CYFIP2: variants seen among roughly 807,000 people sequenced by gnomAD.
The protein encoded by CYFIP2 is cytoplasmic FMR1 interacting protein 2.
A neutral mutation model predicts 158.7 loss-of-function variants in CYFIP2; 29 were observed. The ratio of observed to expected loss-of-function variants is 0.18; its 90% CI spans 0.14 to 0.25. CYFIP2 has a LOEUF of 0.25. Among genes scored for constraint, CYFIP2 ranks in the 10% least tolerant of loss-of-function variants. The pLI, the probability that CYFIP2 is intolerant of heterozygous loss-of-function variation, is 1.00. For missense variants in CYFIP2, 852 were observed against 1,639.5 expected, an observed-to-expected ratio of 0.52 and a Z score of 8.29; for synonymous variants, 585 against 617.6, an observed-to-expected ratio of 0.95 and a Z score of 0.78.
rs1397033468 is a variant in CYFIP2, at chr5:157,343,610, C to A, written c.2673+2453C>A. The stretch of plus-strand genomic sequence containing the variant: ...AAGTATGTATTTATCATAATCATAG[C>A]CACCATTTATTGCACATTTGAGACG... On this transcript the variant is annotated intron_variant, in intron 23 of 30. Coordinates refer to ENST00000620254, the MANE Select transcript of CYFIP2 (RefSeq NM_001037333.3). The A allele has an allele frequency of 4.7e-6, 6 of 1,274,292 alleles. No individual in the cohort carries two copies. The Admixed American group carries it at 7.9e-5, about 17-fold the overall frequency. The allele number at this position is 1,274,292 out of a possible 1,614,324, so 78.9% of individuals were successfully genotyped here. A position where few individuals can be genotyped will look rare whatever the true frequency, so the allele number is the denominator to read the frequency against.
At chr5:157,375,600 T>A (rs1765384697) in intron 26 of CYFIP2, 1 of 151,542 alleles carries the variant, frequency 6.6e-6, no homozygotes, top group Admixed American at 6.6e-5. Flanking sequence ...CCGACCCAAA[T>A]TCATAAATTT....
intron 3 of CYFIP2, among the ~76,000 whole-genome samples, chr5:157,293,097 C>T (rs1757966098): frequency 6.6e-6 from 1 of 151,844 alleles, no homozygotes; most frequent in Admixed American, 6.6e-5. Flanking sequence ...GCTCTGTCGC[C>T]CAGGCTGGAA....
At chr5:157,327,027 C>A (rs1055524847) in intron 18 of CYFIP2, among the ~76,000 whole-genome samples, 2 of 152,182 alleles carry the variant, frequency 1.3e-5, no homozygotes, top group Non-Finnish European at 2.9e-5. Flanking sequence ...TAAATAGGAT[C>A]TGTTTCCTTT....
At chr5:157,312,304 T>C (rs1355527390) in intron 11 of CYFIP2, among the ~76,000 whole-genome samples, 2 of 151,920 alleles carry the variant, frequency 1.3e-5, no homozygotes, top group African/African-American at 4.8e-5. Context: ...TTACATTTCA[T>C]TTAATTTTTC....
intron 1 of CYFIP2, among the ~76,000 whole-genome samples, chr5:157,280,477 G>A (rs985196059): frequency 1.3e-5 from 2 of 151,152 alleles, no homozygotes; most frequent in Non-Finnish European, 2.9e-5. Context: ...ACCCGTCTCA[G>A]CCTCCCAAAG....
chr5:157,307,778 C>T lies in CYFIP2; in HGVS notation c.813C>T (p.Leu271=), dbSNP rs776432276. 1 of 1,608,632 alleles carries T rather than the reference C, an allele frequency of 6.2e-7. No individual in the cohort carries two copies. Among genetic ancestry groups the T allele is most frequent in the South Asian group, 1.1e-5 (1 of 90,262 alleles). Residue 271 remains leucine, a synonymous_variant, in exon 9 of 31, where the codon CTC becomes CTT. Coordinates refer to ENST00000620254, the MANE Select transcript of CYFIP2 (RefSeq NM_001037333.3). The part of the protein sequence containing the change: ...HMLLKVMGFG[L]YLMDGNVSNI... ...CATTCTAGGTGATGGGCTTTGGCCT[C>T]TACCTAATGGATGGAAATGTCAGTA...
chr5:157,305,749 A>C (rs1157669171), intron 8 of CYFIP2, among the ~76,000 whole-genome samples: 1 of 152,230 alleles, frequency 6.6e-6, no homozygotes. Flanking sequence ...TCCTGGGCTC[A>C]AGCAATCTGC....
At chr5:157,269,709 T>C (rs1395889180) in intron 1 of CYFIP2, 2 of 152,210 alleles carry the variant, frequency 1.3e-5, no homozygotes, top group African/African-American at 2.4e-5. Context: ...AATTATATAT[T>C]GTGTGTCACT....
intron 26 of CYFIP2, among the ~76,000 whole-genome samples, chr5:157,366,248 G>A (rs1764361088): frequency 6.6e-6 from 1 of 152,132 alleles, no homozygotes; most frequent in African/African-American, 2.4e-5. Flanking sequence ...CTTTTGTGAA[G>A]TGCTGGTCAA....
Position 157,395,526 on chromosome 5 carries a change from G to T in CYFIP2, c.*2526G>T. The T allele has an allele frequency of 1.3e-6, 1 of 788,260 alleles. No homozygotes were observed. Among genetic ancestry groups the T allele is most frequent in the Non-Finnish European group, 1.9e-6 (1 of 535,628 alleles). 48.8% of individuals were successfully genotyped at this position (788,260 alleles called of 1,614,324 possible). A position where few individuals can be genotyped will look rare whatever the true frequency, so the allele number is the denominator to read the frequency against. On this transcript the variant is annotated 3_prime_UTR_variant, in exon 31 of 31. Coordinates refer to ENST00000620254, the MANE Select transcript of CYFIP2 (RefSeq NM_001037333.3). ...AAGATGATATTTTGATTTGTATTTT[G>T]GGGGTACCTGTGTTGAGTTGATAAA... is the stretch of plus-strand genomic sequence containing the variant.
At chr5:157,286,870 T>G (rs998108553) in intron 2 of CYFIP2, 149 bp from the exon 3 acceptor site, 3 of 585,280 alleles carry the variant, frequency 5.1e-6, no homozygotes, top group Non-Finnish European at 6.4e-6. Flanking sequence ...TGGGACTTTG[T>G]GGGGAAGGGG....
At chr5:157,294,717 G>T in intron 3 of CYFIP2, 66 bp from the exon 4 acceptor site, 1 of 1,363,584 alleles carries the variant, frequency 7.3e-7, no homozygotes, top group Non-Finnish European at 1.0e-6. Flanking sequence ...GTGAGGATCT[G>T]GGGGCTTTTG....
At chr5:157,297,171 C>CGTTT in intron 5 of CYFIP2, among the ~76,000 whole-genome samples, 1 of 152,138 alleles carries the variant, frequency 6.6e-6, no homozygotes, top group South Asian at 2.1e-4. Flanking sequence ...CGTGTGATGA[C>CGTTT]CAGGAGGAAA....
chr5:157,307,688 A>G (rs1157640015), intron 8 of CYFIP2, 73 bp from the exon 9 acceptor site: 7 of 786,470 alleles, frequency 8.9e-6, no homozygotes, highest in Non-Finnish European at 1.3e-5. Flanking sequence ...ACATATACAG[A>G]CCTACCTTTT....
chr5:157,332,030 A>C (rs1761501559), intron 20 of CYFIP2, among the ~76,000 whole-genome samples: 1 of 152,172 alleles, frequency 6.6e-6, no homozygotes, highest in African/African-American at 2.4e-5. Flanking sequence ...TTCCCTCATG[A>C]AGGCACAATG....
intron 26 of CYFIP2, among the ~76,000 whole-genome samples, chr5:157,370,563 A>G (rs1764901643): frequency 1.3e-5 from 2 of 152,220 alleles, no homozygotes; most frequent in African/African-American, 2.4e-5. Context: ...AGGTGCTAAC[A>G]TGTGCTGGTT....
chr5:157,322,805 C>T (rs1325990235), intron 15 of CYFIP2: 29 of 864,044 alleles, frequency 3.4e-5, no homozygotes, highest in Admixed American at 2.3e-5. Context: ...AGAGGTGGCC[C>T]CCGGCAGTCG....
chr5:157,354,858 A>G (rs1337758943), intron 23 of CYFIP2, among the ~76,000 whole-genome samples: 1 of 152,036 alleles, frequency 6.6e-6, no homozygotes, highest in East Asian at 1.9e-4. Flanking sequence ...CAGTTTCCAT[A>G]TATGTAAATG....
intron 16 of CYFIP2, among the ~76,000 whole-genome samples, chr5:157,324,482 C>G (rs1055412431): frequency 3.3e-5 from 5 of 152,242 alleles, no homozygotes; most frequent in African/African-American, 1.2e-4. Context: ...TTCACACTTC[C>G]TCTCCTTTTA....
Sources: allele counts gnomAD v4.1 joint callset (sites outside exome capture counted in the v4.1 genomes callset), GRCh38; gene constraint gnomAD v4.1.1; transcripts MANE v1.5; gene names NCBI Gene and HGNC (gene_info 2026-07-23, HGNC 2026-07-21).